The following NUGGC variants were observed in gnomAD, a reference collection of about 807,000 sequenced individuals.
NUGGC encodes nuclear GTPase, germinal center associated.
A neutral mutation model predicts 92.6 loss-of-function variants in NUGGC; 58 were observed. The observed-to-expected ratio is 0.63, with a 90% confidence interval of 0.51 to 0.78. NUGGC has a LOEUF of 0.78. Ranked by LOEUF, NUGGC falls within the 30% of genes least tolerant of loss-of-function variation. NUGGC has a pLI of 0.00. For missense variants in NUGGC, 925 were observed against 964.6 expected (o/e 0.96, Z 0.54); for synonymous variants, 376 against 366.4 (o/e 1.03, Z -0.30).
Position 28,023,292 on chromosome 8 carries a change from A to C in NUGGC, c.*25T>G. On this transcript the variant is annotated 3_prime_UTR_variant, in exon 19 of 19. Transcript: ENST00000413272. ...TTCTCTGGCTCTGGGCTGATTTTTC[A>C]TCCATTGGGACTAAGCCCCAGGAGT... is the stretch of plus-strand genomic sequence containing the variant. The C allele has an allele frequency of 6.3e-7, 1 of 1,599,226 alleles. No homozygotes were observed. Among genetic ancestry groups the C allele is most frequent in the Non-Finnish European group, 8.5e-7 (1 of 1,173,514 alleles).
At chr8:28,063,352 C>T (rs1023473192) in intron 7 of NUGGC, among the ~76,000 whole-genome samples, 6 of 152,270 alleles carry the variant, frequency 3.9e-5, no homozygotes, top group Non-Finnish European at 7.4e-5. Context: ...TGGCTGCAGC[C>T]GCGGCTCCAT....
intron 12 of NUGGC, among the ~76,000 whole-genome samples, chr8:28,043,950 C>A (rs1414230877): frequency 3.9e-5 from 6 of 152,100 alleles, no homozygotes; most frequent in Admixed American, 3.9e-4. Context: ...TACAACTAGA[C>A]CAAAACAAGT....
At chr8:28,039,216 A>G (rs1374710639) in intron 13 of NUGGC, among the ~76,000 whole-genome samples, 3 of 147,988 alleles carry the variant, frequency 2.0e-5, no homozygotes, top group Non-Finnish European at 3.0e-5. Flanking sequence ...ATTGCAGCAC[A>G]TGCATCTACT....
At chr8:28,030,795 T>C (rs774266286) in intron 15 of NUGGC, among the ~76,000 whole-genome samples, 1 of 152,160 alleles carries the variant, frequency 6.6e-6, no homozygotes, top group Non-Finnish European at 1.5e-5. Flanking sequence ...GACAAGAGTC[T>C]TGAGGCCTCA....
intron 3 of NUGGC, chr8:28,069,957 GA>G (rs1810545194): frequency 3.2e-6 from 1 of 312,532 alleles, no homozygotes; most frequent in Non-Finnish European, 4.7e-6. Flanking sequence ...TAAAAAGAAA[GA>G]AAAAATGCAA....
intron 10 of NUGGC, among the ~76,000 whole-genome samples, chr8:28,052,546 T>C (rs1416056036): frequency 6.6e-6 from 1 of 152,146 alleles, no homozygotes; most frequent in East Asian, 1.9e-4. Flanking sequence ...AGACTGGAGT[T>C]GTGCTGCCAC....
intron 3 of NUGGC, 58 bp from the exon 4 acceptor site, chr8:28,069,710 C>A (rs1270896350): frequency 2.2e-6 from 2 of 928,432 alleles, no homozygotes; most frequent in South Asian, 1.3e-5. Context: ...AGTACTAGGT[C>A]TCCAAAGGAG....
Position 28,064,711 on chromosome 8 carries a change from C to T in NUGGC, c.732G>A (p.Lys244=), listed in dbSNP as rs1314065609. 2 of 1,613,970 alleles carry T rather than the reference C, an allele frequency of 1.2e-6. No homozygotes were observed. Among genetic ancestry groups the T allele is most frequent in the Admixed American group, 1.7e-5 (1 of 60,022 alleles). ...TCTGTGTGCGGATGTAGGGGTCCAG[C>T]TTGATGGACAGCTCTTCTGCCTGAA... ...KAEEAEELSI[K]LDPYIRTQRR... is the part of the protein sequence containing the mutation. Residue 244 remains lysine (K), a synonymous_variant, in exon 7 of 19, where the codon AAG becomes AAA. Coordinates refer to ENST00000413272, the MANE Select transcript of NUGGC (RefSeq NM_001010906.2).
intron 8 of NUGGC, chr8:28,060,222 C>A: frequency 1.5e-6 from 1 of 682,328 alleles, no homozygotes. Flanking sequence ...AAGCAGCTAC[C>A]CTGGAAGGTT....
intron 6 of NUGGC, among the ~76,000 whole-genome samples, chr8:28,065,840 C>T (rs150454410): frequency 1.3e-5 from 2 of 152,226 alleles, no homozygotes; most frequent in East Asian, 3.9e-4. Flanking sequence ...TGATAAACCA[C>T]GACGGAGGAG....
chr8:28,042,753 A>T (rs1209094115), intron 12 of NUGGC, among the ~76,000 whole-genome samples: 1 of 152,162 alleles, frequency 6.6e-6, no homozygotes, highest in Non-Finnish European at 1.5e-5. Flanking sequence ...ACCCATAGAC[A>T]TTTGTGGATT....
intron 13 of NUGGC, among the ~76,000 whole-genome samples, chr8:28,037,224 G>A (rs4732807): frequency 0.35 from 53,731 of 152,018 alleles, 10,000 homozygotes; most frequent in East Asian, 0.47. Flanking sequence ...CAAAGCATTA[G>A]TTCTGATGAA....
chr8:28,025,733 G>A (rs1030017853), intron 18 of NUGGC, among the ~76,000 whole-genome samples: 1 of 152,208 alleles, frequency 6.6e-6, no homozygotes, highest in African/African-American at 2.4e-5. Flanking sequence ...GTTAGAAGCA[G>A]CCATTGTGGC....
chr8:28,051,287 G>C (rs1809995322), intron 10 of NUGGC, among the ~76,000 whole-genome samples: 2 of 152,174 alleles, frequency 1.3e-5, no homozygotes, highest in Admixed American at 1.3e-4. Flanking sequence ...ATGCTAAAGG[G>C]AGTCAGCTTA....
intron 10 of NUGGC, among the ~76,000 whole-genome samples, chr8:28,048,837 T>G (rs1316643980): frequency 7.4e-6 from 1 of 135,706 alleles, no homozygotes; most frequent in East Asian, 2.1e-4. Flanking sequence ...CACTCCAGCC[T>G]GGGTGACAGA....
chr8:28,068,488 G>A, intron 4 of NUGGC, 50 bp from the exon 5 acceptor site: 1 of 1,270,630 alleles, frequency 7.9e-7, no homozygotes, highest in South Asian at 1.3e-5. Context: ...AGTTTAGAGT[G>A]AAGAGCATTG....
In NUGGC at chr8:28,023,312, A is replaced by T; in HGVS notation, c.*5T>A. 6.2e-7 allele frequency: 1 copy of T among 1,612,052 alleles called. No individual in the cohort carries two copies. The highest frequency in any genetic ancestry group is 8.5e-7 in the Non-Finnish European group (1 of 1,179,102). On this transcript the variant is annotated 3_prime_UTR_variant, in exon 19 of 19. Coordinates refer to ENST00000413272, the MANE Select transcript of NUGGC (RefSeq NM_001010906.2). ...TTTTCATCCATTGGGACTAAGCCCC[A>T]GGAGTTACAGTGATGTCCCGGGGGG...
chr8:28,081,335 A>G (rs1438789289), intron 1 of NUGGC, among the ~76,000 whole-genome samples: 2 of 140,518 alleles, frequency 1.4e-5, no homozygotes, highest in Non-Finnish European at 3.2e-5. Context: ...ATAAAAAATA[A>G]AAAAGAGTTC....
intron 10 of NUGGC, among the ~76,000 whole-genome samples, chr8:28,053,896 T>C (rs540448104): frequency 1.4e-4 from 21 of 152,350 alleles, no homozygotes; most frequent in African/African-American, 5.1e-4. Context: ...ATAGAATATT[T>C]TGGCTTAAGT....
Sources: gnomAD v4.1 joint callset for allele counts (sites outside exome capture counted in the v4.1 genomes callset) on GRCh38, gnomAD v4.1.1 for gene constraint, MANE v1.5 for transcripts, NCBI Gene and HGNC (gene_info 2026-07-23, HGNC 2026-07-21) for gene names.